The following ERC2 variants were observed in gnomAD, a reference collection of about 807,000 sequenced individuals.
ERC2 encodes the protein ELKS/RAB6-interacting/CAST family member 2.
In ERC2, 42 loss-of-function variants were observed where a neutral mutation model predicts 114.8. That is an observed-to-expected ratio of 0.37 (90% confidence interval 0.29 to 0.47). ERC2 has a LOEUF of 0.47. Ranked by LOEUF, ERC2 falls within the 20% of genes least tolerant of loss-of-function variation. The pLI is 0.99. For synonymous variants in ERC2, 454 were observed against 425.5 expected (o/e 1.07, Z -0.82); for missense variants, 939 against 1,150.7 (o/e 0.82, Z 2.66).
chr3:55,655,125 G>A (rs564143457), intron 17 of ERC2, among the ~76,000 whole-genome samples: 5 of 152,154 alleles, frequency 3.3e-5, no homozygotes, highest in Admixed American at 1.3e-4. Context: ...CCCTAAAGTG[G>A]GATGACTCAG....
intron 2 of ERC2, among the ~76,000 whole-genome samples, chr3:56,296,704 G>A (rs1334106666): frequency 6.6e-6 from 1 of 152,092 alleles, no homozygotes; most frequent in Non-Finnish European, 1.5e-5. Context: ...AATCACAAGG[G>A]AAATTATACA....
At chr3:55,711,381 A>G (rs1576256743) in intron 15 of ERC2, among the ~76,000 whole-genome samples, 1 of 152,344 alleles carries the variant, frequency 6.6e-6, no homozygotes, top group East Asian at 1.9e-4. Flanking sequence ...TCCCGCTGTT[A>G]AGGTTTTTCT....
At chr3:55,756,854 C>T (rs2067093607) in intron 14 of ERC2, among the ~76,000 whole-genome samples, 1 of 152,076 alleles carries the variant, frequency 6.6e-6, no homozygotes, top group African/African-American at 2.4e-5. Flanking sequence ...AGTTCCCTCC[C>T]TCAAAGAGGG....
In ERC2 at chr3:55,591,492, G is replaced by T. The variant is rs539454632; in HGVS notation, c.*40-80216C>A. On this transcript the variant is annotated intron_variant, in intron 17 of 17. Coordinates refer to ENST00000288221, the MANE Select transcript of ERC2 (RefSeq NM_015576.3). ...ACATGCGGACACTGAGACCCAGGGC[G>T]AAGGCAGGGCTTGGAAGATGTTGTT... Among the ~76,000 whole-genome samples, 3 of 152,052 alleles carry T rather than the reference G, an allele frequency of 2.0e-5. No individual in the cohort carries two copies. The South Asian group carries it at 6.2e-4, about 32-fold the overall frequency.
chr3:56,380,432 A>G (rs1488286695), intron 2 of ERC2, among the ~76,000 whole-genome samples: 1 of 152,176 alleles, frequency 6.6e-6, no homozygotes, highest in Non-Finnish European at 1.5e-5. Context: ...ATGAACAGAA[A>G]CAAAACACTG....
intron 3 of ERC2, among the ~76,000 whole-genome samples, chr3:56,192,103 CA>C (rs2047824569): frequency 1.3e-5 from 2 of 152,176 alleles, no homozygotes; most frequent in Non-Finnish European, 2.9e-5. Flanking sequence ...AATTCAGATT[CA>C]ATCTCCAGCC....
chr3:56,166,718 TTAA>T (rs1170480491), intron 4 of ERC2, among the ~76,000 whole-genome samples: 1 of 152,084 alleles, frequency 6.6e-6, no homozygotes, highest in Non-Finnish European at 1.5e-5. Flanking sequence ...TATTTTAATG[TTAA>T]TAAGGTTTAT....
intron 3 of ERC2, among the ~76,000 whole-genome samples, chr3:56,222,468 C>T (rs1360471005): frequency 6.6e-6 from 1 of 152,178 alleles, no homozygotes; most frequent in African/African-American, 2.4e-5. Flanking sequence ...AACTGTTATT[C>T]TTCTCTCAAT....
intron 14 of ERC2, among the ~76,000 whole-genome samples, chr3:55,764,409 T>C (rs1477299365): frequency 6.6e-6 from 1 of 152,230 alleles, no homozygotes; most frequent in Non-Finnish European, 1.5e-5. Flanking sequence ...ACTAACGGGA[T>C]CTTTTACCTT....
chr3:56,141,954 T>C (rs2080880934), intron 5 of ERC2, among the ~76,000 whole-genome samples: 1 of 152,194 alleles, frequency 6.6e-6, no homozygotes, highest in South Asian at 2.1e-4. Flanking sequence ...CCGAATGAAG[T>C]AGGAAGTGTT....
intron 3 of ERC2, among the ~76,000 whole-genome samples, chr3:56,289,465 C>T (rs547432683): frequency 3.9e-5 from 6 of 152,202 alleles, no homozygotes; most frequent in African/African-American, 1.4e-4. Context: ...CCTTCAAAGG[C>T]TCCCCAGAGC....
intron 13 of ERC2, among the ~76,000 whole-genome samples, chr3:55,940,582 A>T (rs2066724972): frequency 6.6e-6 from 1 of 152,072 alleles, no homozygotes; most frequent in Non-Finnish European, 1.5e-5. Flanking sequence ...TGCAAATCAA[A>T]TGCTGGGGGG....
At chr3:56,306,914 C>T (rs143397013) in intron 2 of ERC2, among the ~76,000 whole-genome samples, 3 of 152,322 alleles carry the variant, frequency 2.0e-5, no homozygotes, top group Non-Finnish European at 2.9e-5. Flanking sequence ...ACAGAGTACA[C>T]ACAAATCATA....
intron 2 of ERC2, among the ~76,000 whole-genome samples, chr3:56,427,091 G>A (rs537136570): frequency 6.6e-6 from 1 of 151,684 alleles, no homozygotes; most frequent in Non-Finnish European, 1.5e-5. Context: ...ACCCCAGGGA[G>A]GTAAAGGTTG....
At position 55,713,224 on chromosome 3, in the gene ERC2, T is replaced by C. The variant is rs2063886125; in HGVS notation, c.2713-13712A>G. 2.0e-5 allele frequency among the ~76,000 whole-genome samples: 3 copies of C among 151,664 alleles called. 1 individual carries two copies. In the South Asian group the frequency reaches 6.3e-4, roughly 32 times the overall value. On this transcript the variant is annotated intron_variant, in intron 15 of 17. Coordinates refer to ENST00000288221, the MANE Select transcript of ERC2 (RefSeq NM_015576.3). ...TTTTCCTTATTAAAAAAAAATTTTT[T>C]TTTGAGATGGAGTTTCACTCTTGTT...
chr3:55,996,813 GTTATT>G (rs1460594186), intron 10 of ERC2, among the ~76,000 whole-genome samples: 1 of 152,146 alleles, frequency 6.6e-6, no homozygotes, highest in Non-Finnish European at 1.5e-5. Context: ...TAACCTAGTA[GTTATT>G]TTAGTGAAAG....
intron 4 of ERC2, among the ~76,000 whole-genome samples, chr3:56,167,628 G>T (rs938532590): frequency 2.0e-5 from 3 of 151,962 alleles, no homozygotes; most frequent in Admixed American, 1.3e-4. Context: ...TATATTGGGG[G>T]GTCCAGTTGG....
At chr3:55,934,758 A>G (rs2066331283) in intron 13 of ERC2, among the ~76,000 whole-genome samples, 4 of 152,370 alleles carry the variant, frequency 2.6e-5, no homozygotes, top group Admixed American at 2.6e-4. Flanking sequence ...CAATGTCTAC[A>G]TAATTTTGGC....
chr3:55,900,397 T>A (rs1326495114), intron 13 of ERC2, among the ~76,000 whole-genome samples: 1 of 152,206 alleles, frequency 6.6e-6, no homozygotes, highest in Non-Finnish European at 1.5e-5. Flanking sequence ...CTTGGCCACC[T>A]CCATTAGCAG....
Sources: allele counts gnomAD v4.1 joint callset (sites outside exome capture counted in the v4.1 genomes callset), GRCh38; gene constraint gnomAD v4.1.1; transcripts MANE v1.5; gene names NCBI Gene and HGNC (gene_info 2026-07-23, HGNC 2026-07-21).